BABAM2: variants seen among roughly 807,000 people sequenced by gnomAD.
BABAM2 encodes the protein BRISC and BRCA1-A complex member 2.
In BABAM2, 31 loss-of-function variants were observed where a neutral mutation model predicts 54.7. The observed-to-expected ratio is 0.57, with a 90% CI of 0.43 to 0.77. BABAM2 has a LOEUF of 0.77. BABAM2 is among the 30% of genes least tolerant of loss of function. BABAM2 has a pLI of 0.00. For synonymous variants in BABAM2, 167 were observed against 162.9 expected, an observed-to-expected ratio of 1.03 and a Z score of -0.19; for missense variants, 364 against 455.8, an observed-to-expected ratio of 0.80 and a Z score of 1.83.
rs1028773831 is a variant in BABAM2, at chr2:28,304,025, C to T, written c.1088+5534C>T. Among the ~76,000 whole-genome samples, 12 of 152,032 alleles carry T rather than the reference C, an allele frequency of 7.9e-5. No individual in the cohort carries two copies. The highest frequency in any genetic ancestry group is 2.0e-4 in the Admixed American group (3 of 15,260). On this transcript the variant is annotated intron_variant, in intron 11 of 11. Transcript: ENST00000379624. This position sits in a 1 kb window ranked among gnomAD's most constrained non-coding sequence, Gnocchi z 4.0. ...CCTCCTGAGTACCCAGGACTACAGA[C>T]GTGTGCCACCACACCCAGCTAATTT...
At chr2:27,956,120 T>C (rs1190588812) in intron 3 of BABAM2, among the ~76,000 whole-genome samples, 2 of 152,192 alleles carry the variant, frequency 1.3e-5, no homozygotes, top group African/African-American at 4.8e-5. Context: ...ACAGATCTTT[T>C]ATACTTCTGA....
chr2:28,201,157 G>A (rs1381568653), intron 7 of BABAM2, among the ~76,000 whole-genome samples: 1 of 151,868 alleles, frequency 6.6e-6, no homozygotes, highest in Non-Finnish European at 1.5e-5. Context: ...TTTTTAAAAA[G>A]TAGTACATTA....
chr2:27,982,565 C>G (rs900546944), intron 3 of BABAM2, among the ~76,000 whole-genome samples: 2 of 151,922 alleles, frequency 1.3e-5, no homozygotes, highest in African/African-American at 4.8e-5. Flanking sequence ...CTGTGGCTTT[C>G]CAGTTGTCCC....
intron 11 of BABAM2, among the ~76,000 whole-genome samples, chr2:28,336,269 G>A (rs774852557): frequency 1.3e-5 from 2 of 152,216 alleles, no homozygotes; most frequent in Non-Finnish European, 2.9e-5. Context: ...ATTCACCGTA[G>A]GGGTTTAGGG....
chr2:28,016,524 G>A, intron 4 of BABAM2: 1 of 804,042 alleles, frequency 1.2e-6, no homozygotes, highest in Non-Finnish European at 2.1e-6. Flanking sequence ...AGGGAAACTG[G>A]GCCGGAGAGA....
intron 11 of BABAM2, among the ~76,000 whole-genome samples, chr2:28,306,051 T>A (rs1446489882): frequency 1.3e-5 from 2 of 152,172 alleles, no homozygotes; most frequent in Non-Finnish European, 2.9e-5. Flanking sequence ...AAATATCTTA[T>A]TGATTTATAT....
rs1030990132 is a variant in BABAM2 at position 28,329,247 on chromosome 2, A to G, written c.1089-9203A>G. Among the ~76,000 whole-genome samples, 1 of 152,242 alleles carries G rather than the reference A, an allele frequency of 6.6e-6. No homozygotes were observed. Among genetic ancestry groups the G allele is most frequent in the African/African-American group, 2.4e-5 (1 of 41,460 alleles). ...GGAACAGGCCTTCATGTCCCCCGAC[A>G]AAACTGTCTATGGCACTTTTTGCTC... On this transcript the variant is annotated intron_variant, in intron 11 of 11. Transcript: ENST00000379624. This position sits in a 1 kb window ranked among gnomAD's most constrained non-coding sequence, Gnocchi z 4.2.
intron 7 of BABAM2, among the ~76,000 whole-genome samples, chr2:28,176,012 G>T (rs1230672225): frequency 1.3e-5 from 2 of 152,160 alleles, no homozygotes; most frequent in Non-Finnish European, 2.9e-5. Context: ...ACTCCTGCAT[G>T]CACCCAGAAT....
At chr2:28,165,168 A>G (rs541805331) in intron 7 of BABAM2, among the ~76,000 whole-genome samples, 4 of 152,192 alleles carry the variant, frequency 2.6e-5, no homozygotes, top group Non-Finnish European at 4.4e-5. Context: ...GTAAAGAATT[A>G]ATTGCAATTC....
chr2:27,910,074 T>C (rs1480148380), intron 2 of BABAM2, among the ~76,000 whole-genome samples: 1 of 152,232 alleles, frequency 6.6e-6, no homozygotes, highest in Non-Finnish European at 1.5e-5. Context: ...ATAACAGTTC[T>C]CCCTTGTTCT....
intron 7 of BABAM2, among the ~76,000 whole-genome samples, chr2:28,192,517 CTTTTTTT>C (rs58587872): frequency 0.014 from 1,733 of 120,560 alleles, 29 homozygotes; most frequent in African/African-American, 0.05. Context: ...GTTTATAGCT[CTTTTTTT>C]TTTTTTTTTT....
At chr2:28,229,413 G>A (rs1332537350) in intron 7 of BABAM2, among the ~76,000 whole-genome samples, 1 of 152,074 alleles carries the variant, frequency 6.6e-6, no homozygotes, top group East Asian at 1.9e-4. Flanking sequence ...CTTAATACAG[G>A]ACATGATGCA....
In BABAM2 at chr2:28,023,414, C is replaced by T. The variant is rs543552822; in HGVS notation, c.301-1812C>T. Among the ~76,000 whole-genome samples, 6 of 152,150 alleles carry T rather than the reference C, an allele frequency of 3.9e-5. No homozygotes were observed. The East Asian group carries it at 1.2e-3, about 29-fold the overall frequency. On this transcript the variant is annotated intron_variant, in intron 4 of 11. Transcript: ENST00000379624. Reference sequence around the variant, plus strand: ...TTAGCAATGCTCTCTGAAGGAAATGCATAGCAAGCTATGTTAGGATCATTT... The same window carrying T: ...TTAGCAATGCTCTCTGAAGGAAATGTATAGCAAGCTATGTTAGGATCATTT...
intron 10 of BABAM2, among the ~76,000 whole-genome samples, chr2:28,257,015 A>G (rs1338496864): frequency 2.0e-5 from 3 of 152,134 alleles, no homozygotes; most frequent in Admixed American, 2.0e-4. Context: ...AGTACTTTAC[A>G]GCAATACATG....
chr2:28,220,163 G>T (rs1399645867), intron 7 of BABAM2, among the ~76,000 whole-genome samples: 1 of 152,210 alleles, frequency 6.6e-6, no homozygotes, highest in Non-Finnish European at 1.5e-5. Context: ...TGTGGTGGGA[G>T]GCAGTGTGTA....
intron 6 of BABAM2, among the ~76,000 whole-genome samples, chr2:28,069,617 G>GGC (rs1663939276): frequency 6.6e-6 from 1 of 152,186 alleles, no homozygotes; most frequent in Non-Finnish European, 1.5e-5. Context: ...CCAATGGGAA[G>GGC]ATTGACTGCC....
intron 2 of BABAM2, among the ~76,000 whole-genome samples, chr2:27,902,905 T>TTG (rs57389847): frequency 0.64 from 94,585 of 147,602 alleles, 31,498 homozygotes; most frequent in Non-Finnish European, 0.77. Context: ...GTGTGTGTGT[T>TTG]TGTGTGTGTG....
At chr2:28,149,271 C>G (rs532045514) in intron 7 of BABAM2, among the ~76,000 whole-genome samples, 2 of 152,138 alleles carry the variant, frequency 1.3e-5, no homozygotes, top group African/African-American at 4.8e-5. Flanking sequence ...GTACTGGGTA[C>G]GAAGACTCAG....
chr2:28,123,398 C>T (rs867522000), intron 6 of BABAM2, among the ~76,000 whole-genome samples: 1 of 152,144 alleles, frequency 6.6e-6, no homozygotes, highest in African/African-American at 2.4e-5. Context: ...TTATCAGATT[C>T]GGTATCTTTC....
Sources: gnomAD v4.1 joint callset for allele counts (sites outside exome capture counted in the v4.1 genomes callset) on GRCh38, gnomAD v4.1.1 for gene constraint, Gnocchi (gnomAD v3.1) non-coding constraint, MANE v1.5 for transcripts, NCBI Gene and HGNC (gene_info 2026-07-23, HGNC 2026-07-21) for gene names.